Variants in EYS observed in about 807,000 individuals in gnomAD.
EYS encodes protein eyes shut homolog.
EYS carries 250 observed loss-of-function variants against 282.1 expected under a neutral mutation model. The observed-to-expected ratio is 0.89, with a 90% CI of 0.80 to 0.98. The LOEUF is 0.98. EYS is among the 50% of genes least tolerant of loss of function. The probability of loss-of-function intolerance (pLI) is 0.00; values close to 1 mark genes in which losing one functional copy is unlikely to be tolerated. For missense variants in EYS, 4,016 were observed against 3,709.0 expected, an observed-to-expected ratio of 1.08 and a Z score of -2.15; for synonymous variants, 1,355 against 1,282.9, an observed-to-expected ratio of 1.06 and a Z score of -1.20.
intron 31 of EYS, among the ~76,000 whole-genome samples, chr6:64,128,223 A>C (rs1238632122): frequency 6.6e-6 from 1 of 152,112 alleles, no homozygotes; most frequent in Admixed American, 6.5e-5. Context: ...GGATGTTTCA[A>C]TTGCATTTCT....
At chr6:65,355,251 T>C (rs1317661251) in intron 8 of EYS, among the ~76,000 whole-genome samples, 2 of 152,156 alleles carry the variant, frequency 1.3e-5, no homozygotes, top group African/African-American at 4.8e-5. Flanking sequence ...AGACTGCATA[T>C]TGAGTACAGT....
At chr6:65,087,400 T>A (rs1774415554) in intron 12 of EYS, among the ~76,000 whole-genome samples, 1 of 152,176 alleles carries the variant, frequency 6.6e-6, no homozygotes, top group African/African-American at 2.4e-5. Context: ...TTTTCTTAGT[T>A]TTCCTGTGTG....
At chr6:64,841,936 A>T (rs1765575551) in intron 19 of EYS, among the ~76,000 whole-genome samples, 1 of 152,122 alleles carries the variant, frequency 6.6e-6, no homozygotes, top group South Asian at 2.1e-4. Context: ...AAAACCATGG[A>T]AATCAAGCAA....
At chr6:64,896,852 A>G (rs1054663179) in intron 18 of EYS, among the ~76,000 whole-genome samples, 17 of 151,058 alleles carry the variant, frequency 1.1e-4, no homozygotes, top group Non-Finnish European at 2.1e-4. Flanking sequence ...AGACTGGTGG[A>G]GGGGGGGGCC....
chr6:64,299,843 C>T (rs1769171832), intron 30 of EYS, among the ~76,000 whole-genome samples: 1 of 152,132 alleles, frequency 6.6e-6, no homozygotes, highest in Non-Finnish European at 1.5e-5. Flanking sequence ...AGTATCATCT[C>T]TAACACTATG....
chr6:64,755,555 T>C (rs1180890503), intron 22 of EYS, among the ~76,000 whole-genome samples: 1 of 148,728 alleles, frequency 6.7e-6, no homozygotes, highest in Non-Finnish European at 1.5e-5. Context: ...CGGAATACTA[T>C]CCAGCCAGAA....
At chr6:65,615,900 C>T (rs968320743) in intron 2 of EYS, among the ~76,000 whole-genome samples, 1 of 150,856 alleles carries the variant, frequency 6.6e-6, no homozygotes, top group Non-Finnish European at 1.5e-5. Flanking sequence ...CACCACTGCA[C>T]TCCAGCCTGG....
At chr6:64,544,636 A>G (rs974010488) in intron 26 of EYS, among the ~76,000 whole-genome samples, 2 of 152,198 alleles carry the variant, frequency 1.3e-5, no homozygotes, top group African/African-American at 2.4e-5. Flanking sequence ...AGACTAATAA[A>G]GAAGAAAAGA....
At chr6:65,364,038 T>TGGAATATGCCTGAGTTCTTA (rs1562124201) in intron 8 of EYS, among the ~76,000 whole-genome samples, 15 of 151,222 alleles carry the variant, frequency 9.9e-5, no homozygotes, top group Admixed American at 8.7e-4. Flanking sequence ...AAGTACTTCT[T>TGGAATATGCCTGAGTTCTTA]TGGTATTTTT....
intron 5 of EYS, among the ~76,000 whole-genome samples, chr6:65,430,273 T>C (rs767295288): frequency 1.1e-4 from 17 of 152,150 alleles, no homozygotes; most frequent in Middle Eastern, 3.2e-3. Context: ...TCAGTGCTGT[T>C]CTGTTAGAGC....
intron 19 of EYS, among the ~76,000 whole-genome samples, chr6:64,835,270 G>A (rs547912970): frequency 6.6e-6 from 1 of 151,810 alleles, no homozygotes; most frequent in Non-Finnish European, 1.5e-5. Flanking sequence ...ACTTTCCTAA[G>A]TATTAATTTG....
intron 22 of EYS, among the ~76,000 whole-genome samples, chr6:64,653,875 T>G (rs543378575): frequency 6.6e-6 from 1 of 152,130 alleles, no homozygotes; most frequent in African/African-American, 2.4e-5. Flanking sequence ...TCCTCTAAAT[T>G]TTTGAAGTTT....
At chr6:64,118,619 T>C (rs1042696738) in intron 31 of EYS, among the ~76,000 whole-genome samples, 3 of 152,048 alleles carry the variant, frequency 2.0e-5, no homozygotes, top group Admixed American at 2.0e-4. Flanking sequence ...AGAACATTTG[T>C]TTGGGCAAAG....
chr6:64,885,690 T>A (rs1767063714), intron 19 of EYS, among the ~76,000 whole-genome samples: 1 of 151,806 alleles, frequency 6.6e-6, no homozygotes. Context: ...AATCTGATAG[T>A]TTTTGTGTAT....
At chr6:64,985,211 G>A (rs186958726) in intron 14 of EYS, among the ~76,000 whole-genome samples, 137 of 151,620 alleles carry the variant, frequency 9.0e-4, no homozygotes, top group African/African-American at 2.4e-3. Flanking sequence ...ACAAGCCTGC[G>A]AAAGGTCTTA....
intron 12 of EYS, among the ~76,000 whole-genome samples, chr6:65,197,208 G>A (rs1026663958): frequency 3.9e-5 from 6 of 151,978 alleles, no homozygotes; most frequent in African/African-American, 9.7e-5. Flanking sequence ...ATATAATAAC[G>A]ACGCTAAAAT....
intron 31 of EYS, among the ~76,000 whole-genome samples, chr6:64,089,247 A>T (rs973936081): frequency 2.0e-5 from 3 of 151,514 alleles, no homozygotes; most frequent in Non-Finnish European, 3.0e-5. Flanking sequence ...ACCAGTTTAT[A>T]AGTCCATGTA....
chr6:64,776,198 A>C lies in EYS; in HGVS notation c.3443+37180T>G, dbSNP rs200707507. Among the ~76,000 whole-genome samples, 7 of 152,222 alleles carry C rather than the reference A, an allele frequency of 4.6e-5. No homozygotes were observed. In the East Asian group the frequency reaches 1.4e-3, roughly 29 times the overall value. Reference sequence around the variant, plus strand: ...TTGACATACTCGGTTGTTTTAAGCAAATCTTTTAAAAATTCATTGCTTGAG... The same window carrying C: ...TTGACATACTCGGTTGTTTTAAGCACATCTTTTAAAAATTCATTGCTTGAG... On this transcript the variant is annotated intron_variant, in intron 22 of 42. Coordinates refer to ENST00000503581, the MANE Select transcript of EYS (RefSeq NM_001142800.2).
chr6:64,957,681 A>C (rs1219345746), intron 14 of EYS, among the ~76,000 whole-genome samples: 1 of 152,190 alleles, frequency 6.6e-6, no homozygotes, highest in Non-Finnish European at 1.5e-5. Flanking sequence ...TTCACATTGC[A>C]TGCCTGTATC....
Sources: gnomAD v4.1 joint callset for allele counts (sites outside exome capture counted in the v4.1 genomes callset) on GRCh38, gnomAD v4.1.1 for gene constraint, MANE v1.5 for transcripts, NCBI Gene and HGNC (gene_info 2026-07-23, HGNC 2026-07-21) for gene names.